Variants in FSTL5 observed in about 807,000 individuals in gnomAD.
The protein encoded by FSTL5 is follistatin like 5, also known as follistatin-related protein 5.
A neutral mutation model predicts 89.1 loss-of-function variants in FSTL5; 62 were observed. The observed-to-expected ratio is 0.70, with a 90% CI of 0.57 to 0.86. The LOEUF (loss-of-function observed/expected upper bound fraction) is 0.86. Ranked by LOEUF, FSTL5 falls within the 40% of genes least tolerant of loss-of-function variation. The pLI is 0.00. For synonymous variants in FSTL5, 383 were observed against 346.2 expected (o/e 1.11, Z -1.18); for missense variants, 1,057 against 1,001.6 (o/e 1.06, Z -0.75).
At chr4:161,405,375 A>T (rs1731339239) in intron 15 of FSTL5, among the ~76,000 whole-genome samples, 1 of 152,178 alleles carries the variant, frequency 6.6e-6, no homozygotes, top group Non-Finnish European at 1.5e-5. Flanking sequence ...TTATAAATAC[A>T]AAAATGAGTA....
chr4:161,632,935 C>G (rs1009941762), intron 7 of FSTL5, among the ~76,000 whole-genome samples: 1 of 152,046 alleles, frequency 6.6e-6, no homozygotes, highest in Non-Finnish European at 1.5e-5. Flanking sequence ...TCGTTTTATT[C>G]TAAAGATGTA....
intron 2 of FSTL5, among the ~76,000 whole-genome samples, chr4:162,078,912 C>T (rs1481986762): frequency 6.6e-6 from 1 of 151,584 alleles, no homozygotes; most frequent in East Asian, 1.9e-4. Flanking sequence ...AATCACTAAA[C>T]TCTCAGGACA....
At chr4:162,007,226 C>A (rs1415397484) in intron 3 of FSTL5, among the ~76,000 whole-genome samples, 1 of 151,758 alleles carries the variant, frequency 6.6e-6, no homozygotes, top group Non-Finnish European at 1.5e-5. Context: ...CAAATTTAGG[C>A]AATTCATCCT....
intron 4 of FSTL5, among the ~76,000 whole-genome samples, chr4:161,896,538 T>C (rs1193942812): frequency 6.6e-6 from 1 of 152,152 alleles, no homozygotes; most frequent in African/African-American, 2.4e-5. Context: ...ATGTCTTCAG[T>C]TTTGTTTTTA....
At chr4:161,812,829 C>G (rs2082671) in intron 4 of FSTL5, among the ~76,000 whole-genome samples, 4 of 112,238 alleles carry the variant, frequency 3.6e-5, no homozygotes, top group Non-Finnish European at 6.7e-5. Context: ...GGAGGTAAAT[C>G]TTTAAGGTAT....
At chr4:161,830,526 TTC>T (rs1253416264) in intron 4 of FSTL5, among the ~76,000 whole-genome samples, 3 of 152,006 alleles carry the variant, frequency 2.0e-5, no homozygotes, top group African/African-American at 7.2e-5. Flanking sequence ...AAATCCTAGT[TTC>T]TCTGTTCATT....
intron 12 of FSTL5, among the ~76,000 whole-genome samples, chr4:161,486,909 C>T (rs1729701975): frequency 6.6e-6 from 1 of 152,160 alleles, no homozygotes; most frequent in Non-Finnish European, 1.5e-5. Flanking sequence ...AGCTAGAGCA[C>T]TCTACTTAAT....
At chr4:162,072,517 A>T (rs1270279324) in intron 2 of FSTL5, among the ~76,000 whole-genome samples, 1 of 151,892 alleles carries the variant, frequency 6.6e-6, no homozygotes, top group African/African-American at 2.4e-5. Context: ...TACTACATTA[A>T]TTTCTTTCTA....
chr4:161,783,422 G>A (rs961038596), intron 4 of FSTL5, among the ~76,000 whole-genome samples: 1 of 151,722 alleles, frequency 6.6e-6, no homozygotes, highest in Admixed American at 6.6e-5. Flanking sequence ...CACATGACAT[G>A]CAAGGCCTTC....
chr4:161,485,530 A>G (rs1331321419), intron 12 of FSTL5, among the ~76,000 whole-genome samples: 1 of 152,218 alleles, frequency 6.6e-6, no homozygotes, highest in African/African-American at 2.4e-5. Context: ...AAAGTATACT[A>G]TCTTAAAGGA....
At chr4:161,568,118 G>GCCA (rs1277765221) in intron 8 of FSTL5, among the ~76,000 whole-genome samples, 2 of 151,374 alleles carry the variant, frequency 1.3e-5, no homozygotes, top group Admixed American at 1.3e-4. Flanking sequence ...GCAAATTTTG[G>GCCA]AGTCCATATT....
intron 5 of FSTL5, among the ~76,000 whole-genome samples, chr4:161,773,207 G>C (rs1247994775): frequency 6.6e-6 from 1 of 152,016 alleles, no homozygotes; most frequent in Admixed American, 6.6e-5. Context: ...GATGGATCAA[G>C]GACATAAATC....
intron 13 of FSTL5, among the ~76,000 whole-genome samples, chr4:161,473,162 A>G (rs1474591558): frequency 1.3e-5 from 2 of 152,102 alleles, no homozygotes; most frequent in Non-Finnish European, 2.9e-5. Context: ...TTTGTCTGTT[A>G]GATCTGTTGG....
intron 4 of FSTL5, among the ~76,000 whole-genome samples, chr4:161,835,596 C>T (rs907227511): frequency 9.9e-5 from 15 of 151,706 alleles, no homozygotes; most frequent in African/African-American, 3.4e-4. Flanking sequence ...TGAACTCAAA[C>T]AAATTTACAA....
intron 3 of FSTL5, among the ~76,000 whole-genome samples, chr4:161,977,967 T>A (rs1166442580): frequency 1.3e-5 from 2 of 152,182 alleles, no homozygotes; most frequent in Admixed American, 1.3e-4. Context: ...CTTAACACTG[T>A]CATAGTGATG....
intron 1 of FSTL5, among the ~76,000 whole-genome samples, chr4:162,156,201 C>T (rs1041226717): frequency 6.6e-6 from 1 of 152,068 alleles, no homozygotes; most frequent in African/African-American, 2.4e-5. Context: ...GACACCATCT[C>T]GCACCAGTCA....
At chr4:162,053,196 T>C (rs1393369218) in intron 2 of FSTL5, among the ~76,000 whole-genome samples, 1 of 151,766 alleles carries the variant, frequency 6.6e-6, no homozygotes, top group Non-Finnish European at 1.5e-5. Context: ...AACACAGGAA[T>C]GTATATTTTC....
At chr4:161,762,372 G>C (rs1455817767) in intron 5 of FSTL5, among the ~76,000 whole-genome samples, 1 of 152,066 alleles carries the variant, frequency 6.6e-6, no homozygotes, top group East Asian at 1.9e-4. Flanking sequence ...CCACTCGTTG[G>C]CACAAACTTG....
At chr4:161,657,159 G>C (rs371194860) in intron 6 of FSTL5, among the ~76,000 whole-genome samples, 1 of 152,120 alleles carries the variant, frequency 6.6e-6, no homozygotes, top group Non-Finnish European at 1.5e-5. Context: ...TCTATTGCTG[G>C]ACAACATTAT....
Sources: gnomAD v4.1 joint callset for allele counts (sites outside exome capture counted in the v4.1 genomes callset) on GRCh38, gnomAD v4.1.1 for gene constraint, MANE v1.5 for transcripts, NCBI Gene and HGNC (gene_info 2026-07-23, HGNC 2026-07-21) for gene names.